CACHD1: variants seen among roughly 807,000 people sequenced by gnomAD.
The protein encoded by CACHD1 is cache domain containing 1.
CACHD1 carries 71 observed loss-of-function variants against 138.7 expected under a neutral mutation model. The ratio of observed to expected loss-of-function variants is 0.51; its 90% CI spans 0.42 to 0.62. The LOEUF is 0.62. Ranked by LOEUF, CACHD1 falls within the 20% of genes least tolerant of loss-of-function variation. The pLI is 0.00. For synonymous variants in CACHD1, 578 were observed against 591.5 expected, an observed-to-expected ratio of 0.98 and a Z score of 0.33; for missense variants, 1,389 against 1,625.3, an observed-to-expected ratio of 0.85 and a Z score of 2.50.
chr1:64,505,847 T>TCGCCCCGCCCCGCCCCGCCC (rs371801807), intron 1 of CACHD1: 2 of 100,508 alleles, frequency 2.0e-5, no homozygotes, highest in South Asian at 3.0e-4. Context: ...TTCCCCGGCC[T>TCGCCCCGCCCCGCCCCGCCC]CGCCCCGCCC....
intron 3 of CACHD1, among the ~76,000 whole-genome samples, chr1:64,593,871 G>A (rs1170598983): frequency 6.6e-6 from 1 of 152,182 alleles, no homozygotes; most frequent in African/African-American, 2.4e-5. Context: ...TAAACAATGT[G>A]TTACTTACAT....
chr1:64,626,646 T>C (rs1211593594), intron 4 of CACHD1, among the ~76,000 whole-genome samples: 2 of 152,190 alleles, frequency 1.3e-5, no homozygotes, highest in Admixed American at 1.3e-4. Context: ...CTCTTGCACA[T>C]TGGTCATCTT....
intron 1 of CACHD1, among the ~76,000 whole-genome samples, chr1:64,493,881 A>G (rs1646292142): frequency 6.6e-6 from 1 of 152,194 alleles, no homozygotes; most frequent in African/African-American, 2.4e-5. Flanking sequence ...CCTATTTAAT[A>G]GACACGGCTG....
chr1:64,577,467 C>T (rs549445972), intron 2 of CACHD1, among the ~76,000 whole-genome samples: 3 of 152,250 alleles, frequency 2.0e-5, no homozygotes, highest in Admixed American at 6.5e-5. Flanking sequence ...GAGGGTTGAT[C>T]TCCATATTAC....
intron 4 of CACHD1, 45 bp downstream of exon 4, chr1:64,602,957 C>A: frequency 8.4e-7 from 1 of 1,195,032 alleles, no homozygotes. Context: ...TATTCTACTG[C>A]ATTCAAGTTG....
At chr1:64,555,443 G>A (rs1646790344) in intron 2 of CACHD1, among the ~76,000 whole-genome samples, 1 of 152,022 alleles carries the variant, frequency 6.6e-6, no homozygotes, top group Non-Finnish European at 1.5e-5. Context: ...GTTTTGAGAT[G>A]GAGTCTTGCT....
chr1:64,503,809 G>T (rs1000515254), intron 1 of CACHD1, among the ~76,000 whole-genome samples: 18 of 152,282 alleles, frequency 1.2e-4, no homozygotes, highest in African/African-American at 3.8e-4. Flanking sequence ...TACTAATGGG[G>T]AGATCATTGT....
chr1:64,563,384 C>T (rs1477079166), intron 2 of CACHD1, among the ~76,000 whole-genome samples: 1 of 101,766 alleles, frequency 9.8e-6, no homozygotes, highest in Non-Finnish European at 2.3e-5. Flanking sequence ...ACACTCAAGG[C>T]TCTAGACATG....
intron 2 of CACHD1, among the ~76,000 whole-genome samples, chr1:64,576,782 C>G (rs930445437): frequency 5.3e-5 from 8 of 152,176 alleles, no homozygotes; most frequent in African/African-American, 1.9e-4. Flanking sequence ...TACTAGCACT[C>G]TGTTCTCTTG....
At chr1:64,487,034 A>G (rs534438888) in intron 1 of CACHD1, among the ~76,000 whole-genome samples, 188 of 152,146 alleles carry the variant, frequency 1.2e-3, no homozygotes, top group African/African-American at 4.5e-3. Context: ...AGGGAAGGAG[A>G]TCAGTGTGTG....
At chr1:64,497,068 A>C (rs927179840) in intron 1 of CACHD1, among the ~76,000 whole-genome samples, 4 of 152,018 alleles carry the variant, frequency 2.6e-5, no homozygotes, top group African/African-American at 9.7e-5. Flanking sequence ...CTTTTTCTTC[A>C]AAAAAATGCC....
intron 4 of CACHD1, among the ~76,000 whole-genome samples, chr1:64,623,233 C>T (rs1294983802): frequency 6.6e-6 from 1 of 152,120 alleles, no homozygotes; most frequent in African/African-American, 2.4e-5. Flanking sequence ...GAAACCCCGT[C>T]TCTACTACTA....
intron 8 of CACHD1, among the ~76,000 whole-genome samples, chr1:64,643,114 G>A (rs1209946965): frequency 8.3e-6 from 1 of 120,064 alleles, no homozygotes; most frequent in African/African-American, 3.1e-5. Context: ...ACTATCTTTT[G>A]TTTCTCTTGT....
In CACHD1 at chr1:64,614,442, G is replaced by A. The variant is rs555605022; in HGVS notation, c.517+11530G>A. Among the ~76,000 whole-genome samples the A allele has an allele frequency of 8.3e-4, 126 of 151,968 alleles. 1 individual carries two copies. The highest frequency in any genetic ancestry group is 2.8e-3 in the African/African-American group (116 of 41,410). On this transcript the variant is annotated intron_variant, in intron 4 of 26. Transcript: ENST00000651257. ...CACCTGGATGGACACCTGCCTATGG[G>A]TTGTTCTTCTTTGGTCTAGACATCT...
intron 4 of CACHD1, among the ~76,000 whole-genome samples, chr1:64,624,194 GC>G (rs1648019194): frequency 6.6e-6 from 1 of 152,222 alleles, no homozygotes; most frequent in African/African-American, 2.4e-5. Flanking sequence ...TTAATCAGAT[GC>G]CAAAGGAGTC....
intron 2 of CACHD1, among the ~76,000 whole-genome samples, chr1:64,576,810 A>C (rs1646971631): frequency 6.6e-6 from 1 of 152,210 alleles, no homozygotes; most frequent in Non-Finnish European, 1.5e-5. Flanking sequence ...GCAAACCAAC[A>C]AAAACCCCTT....
intron 3 of CACHD1, among the ~76,000 whole-genome samples, chr1:64,602,029 T>C (rs1647219789): frequency 6.6e-6 from 1 of 152,188 alleles, no homozygotes; most frequent in Admixed American, 6.5e-5. Context: ...TTCTTTCAGA[T>C]TGTTGGTTGC....
At chr1:64,690,240 A>C (rs1650504125) in intron 26 of CACHD1, among the ~76,000 whole-genome samples, 1 of 152,224 alleles carries the variant, frequency 6.6e-6, no homozygotes, top group African/African-American at 2.4e-5. Flanking sequence ...CTATCATTTG[A>C]GTAATGTTTC....
intron 3 of CACHD1, 107 bp from the exon 4 acceptor site, chr1:64,602,699 G>A (rs957078708): frequency 8.3e-6 from 6 of 720,128 alleles, no homozygotes; most frequent in African/African-American, 1.8e-5. Context: ...AATCATAGTT[G>A]TACTGTTTAC....
Sources: allele counts gnomAD v4.1 joint callset (sites outside exome capture counted in the v4.1 genomes callset), GRCh38; gene constraint gnomAD v4.1.1; transcripts MANE v1.5; gene names NCBI Gene and HGNC (gene_info 2026-07-23, HGNC 2026-07-21).